The following ATM variants were observed in gnomAD, a reference collection of about 807,000 sequenced individuals.
ATM encodes the protein ATM serine/threonine kinase, also known as serine-protein kinase ATM.
A neutral mutation model predicts 387.0 loss-of-function variants in ATM; 308 were observed. That is an observed-to-expected ratio of 0.80 (90% CI 0.73 to 0.87). The LOEUF is 0.87. Ranked by LOEUF, ATM falls within the 40% of genes least tolerant of loss-of-function variation. ATM has a pLI of 0.00. For synonymous variants in ATM, 1,156 were observed against 1,187.3 expected, an observed-to-expected ratio of 0.97 and a Z score of 0.54; for missense variants, 3,312 against 3,560.9, an observed-to-expected ratio of 0.93 and a Z score of 1.78.
At chr11:108,352,173 T>C (rs1240904212) in intron 59 of ATM, among the ~76,000 whole-genome samples, 1 of 152,242 alleles carries the variant, frequency 6.6e-6, no homozygotes, top group Non-Finnish European at 1.5e-5. Flanking sequence ...AATGGCCACC[T>C]GTAGGTGCCA....
At chr11:108,339,317 C>T (rs1028882124) in intron 56 of ATM, among the ~76,000 whole-genome samples, 2 of 152,172 alleles carry the variant, frequency 1.3e-5, no homozygotes, top group Non-Finnish European at 2.9e-5. Flanking sequence ...TGCACTTAAC[C>T]TGATCATCCT....
chr11:108,290,562 C>A, intron 29 of ATM: 1 of 137,002 alleles, frequency 7.3e-6, no homozygotes, highest in Non-Finnish European at 1.5e-5. Flanking sequence ...GCTCAGGAGG[C>A]AGAGGTTACA....
chr11:108,295,198 A>G, intron 32 of ATM, 139 bp downstream of exon 32: 1 of 1,101,706 alleles, frequency 9.1e-7, no homozygotes. Context: ...TTTCTCATCT[A>G]ACTGTAAAAC....
Position 108,287,382 on chromosome 11 carries a change from G to C in ATM, c.3994-218G>C, listed in dbSNP as rs2082544485. The C allele has an allele frequency of 1.4e-5, 5 of 370,248 alleles. No individual in the cohort carries two copies. In the South Asian group the frequency reaches 2.2e-4, roughly 16 times the overall value. The allele number at this position is 370,248 out of a possible 1,614,324, so 22.9% of individuals were successfully genotyped here. The stretch of plus-strand genomic sequence containing the variant: ...GAATTGGATTAAGGGGGCCTTGTTT[G>C]GCTGATTTTCATACTTTTTCCTCTT... On this transcript the variant is annotated intron_variant, in intron 26 of 62. Coordinates refer to ENST00000675843, the MANE Select transcript of ATM (RefSeq NM_000051.4).
At chr11:108,352,447 C>T (rs2089318008) in intron 59 of ATM, among the ~76,000 whole-genome samples, 1 of 152,060 alleles carries the variant, frequency 6.6e-6, no homozygotes, top group African/African-American at 2.4e-5. Flanking sequence ...GAAGACAGAG[C>T]CGTAGAAATT....
rs1466264639 is a variant in ATM at position 108,332,148 on chromosome 11, G to T, written c.7788+111G>T. The T allele has an allele frequency of 2.8e-6, 4 of 1,404,644 alleles. No homozygotes were observed. The African/African-American group carries it at 5.7e-5, about 20-fold the overall frequency. 87.0% of individuals were successfully genotyped at this position (1,404,644 alleles called of 1,614,324 possible). A position where few individuals can be genotyped will look rare whatever the true frequency, so the allele number is the denominator to read the frequency against. ...AGATGCCATCTAAAATCGGTTCAAG[G>T]CTGGCACGGTGGCTCACGCCTGTAA... On this transcript the variant is annotated intron_variant, in intron 52 of 62. Transcript: ENST00000675843.
intron 35 of ATM, 92 bp downstream of exon 35, chr11:108,301,881 G>C (rs2135918428): frequency 7.4e-7 from 1 of 1,350,044 alleles, no homozygotes; most frequent in South Asian, 1.2e-5. Flanking sequence ...GCTTGAAATA[G>C]TATTGTACTA....
At chr11:108,293,888 A>ATATATAT (rs1389525920) in intron 31 of ATM, among the ~76,000 whole-genome samples, 21 of 109,038 alleles carry the variant, frequency 1.9e-4, no homozygotes, top group Admixed American at 7.6e-4. Context: ...AAAAAAAAAA[A>ATATATAT]AAAAAAATAT....
chr11:108,268,767 G>C (rs779859985), intron 18 of ATM, among the ~76,000 whole-genome samples, 158 bp downstream of exon 18: 4 of 152,190 alleles, frequency 2.6e-5, no homozygotes, highest in Non-Finnish European at 4.4e-5. Flanking sequence ...CACTTTTAAC[G>C]TGCTGTGAGC....
chr11:108,358,908 T>TA (rs1456094497), intron 61 of ATM, among the ~76,000 whole-genome samples: 1 of 151,068 alleles, frequency 6.6e-6, no homozygotes, highest in Non-Finnish European at 1.5e-5. Context: ...AATCACCAGC[T>TA]AACATCATAA....
At chr11:108,282,627 C>G (rs1448210498) in intron 24 of ATM, 83 bp from the exon 25 acceptor site, 1 of 1,310,684 alleles carries the variant, frequency 7.6e-7, no homozygotes, top group African/African-American at 1.5e-5. Flanking sequence ...GTTTCTAGGT[C>G]CTACTCTAAA....
chr11:108,313,015 G>T (rs190707426), intron 40 of ATM, among the ~76,000 whole-genome samples: 3 of 151,984 alleles, frequency 2.0e-5, no homozygotes, highest in South Asian at 2.1e-4. Context: ...CTTCTATGCC[G>T]CTGCTTTCAG....
rs1416444032 is a variant in ATM at position 108,259,018 on chromosome 11, C to A, written c.2409C>A (p.Phe803Leu). ...CAAATAAGATTGCATCTGGCTTTTT[C>A]CTGCGATTGTTAACATCAAAGCTAA... ...KSPNKIASGFFLRLLTSKLMN... is the reference protein window; with the variant it reads ...KSPNKIASGFLLRLLTSKLMN... The change falls in exon 16 of 63, where the codon TTC (phenylalanine) becomes TTA (leucine). Residue 803 changes from phenylalanine to leucine, a missense_variant. By Grantham distance (22) the Phe-to-Leu change is conservative. This residue lies in a region of ATM where 1,791 missense variants were observed against 1,804.5 expected (regional missense o/e 0.99). Transcript: ENST00000675843. 6.2e-7 allele frequency: 1 copy of A among 1,613,796 alleles called. No individual in the cohort carries two copies. The highest frequency in any genetic ancestry group is 8.5e-7 in the Non-Finnish European group (1 of 1,179,926).
intron 31 of ATM, 89 bp downstream of exon 31, chr11:108,293,566 G>A (rs2082933216): frequency 8.4e-7 from 1 of 1,184,800 alleles, no homozygotes; most frequent in South Asian, 1.3e-5. Flanking sequence ...GTAAAAAATG[G>A]AATCTTTTCT....
At chr11:108,251,674 A>AT (rs1035202936) in intron 10 of ATM, among the ~76,000 whole-genome samples, 163 bp from the exon 11 acceptor site, 31 of 152,210 alleles carry the variant, frequency 2.0e-4, no homozygotes, top group African/African-American at 7.5e-4. Context: ...TAAACGAGCT[A>AT]TTTTTTAATC....
Position 108,268,489 on chromosome 11 carries a change from G to T in ATM, c.2718G>T (p.Leu906Phe), listed in dbSNP as rs767207624. The change falls in exon 18 of 63, where the codon TTG becomes TTT. Residue 906 changes from leucine (L) to phenylalanine (F), a missense_variant. Leu to Phe is a conservative substitution (Grantham distance 22). Transcript: ENST00000675843. Reference sequence around the variant, plus strand: ...TAGACATGCTCAAGTTCTTGTGTTTGTGTGTAACTACTGCTCAGACCAATA... The same window carrying T: ...TAGACATGCTCAAGTTCTTGTGTTTTTGTGTAACTACTGCTCAGACCAATA... ...LFLDMLKFLCLCVTTAQTNTV... is the reference protein window; with the variant it reads ...LFLDMLKFLCFCVTTAQTNTV... The T allele has an allele frequency of 1.2e-6, 2 of 1,613,936 alleles. No homozygotes were observed. Among genetic ancestry groups the T allele is most frequent in the Non-Finnish European group, 1.7e-6 (2 of 1,179,982 alleles).
chr11:108,271,193 TAACTG>T, intron 19 of ATM, 47 bp downstream of exon 19: 2 of 1,613,406 alleles, frequency 1.2e-6, no homozygotes, highest in African/African-American at 2.7e-5. Context: ...AGTTATAAAA[TAACTG>T]ATGTGTTCTG....
chr11:108,284,472 A>G lies in ATM; in HGVS notation c.3992A>G (p.Gln1331Arg), dbSNP rs876658669. Residue 1331 changes from glutamine (Q) to arginine (R), a missense_variant and splice_region_variant, in exon 26 of 63, where the codon CAG becomes CGG. Gln to Arg is a conservative substitution (Grantham distance 43). Transcript: ENST00000675843. ...MLKSENLLGK[Q>R]IDHLFISNLP... ...AAAAGTGAAAACTTATTGGGAAAAC[A>G]GGTATGGCTTCAATTTTTATGTACT... The G allele has an allele frequency of 3.1e-6, 5 of 1,613,890 alleles. No individual in the cohort carries two copies. The highest frequency in any genetic ancestry group is 4.2e-6 in the Non-Finnish European group (5 of 1,179,856).
At chr11:108,227,033 C>T (rs1206297544) in intron 1 of ATM, 1 of 151,996 alleles carries the variant, frequency 6.6e-6, no homozygotes, top group East Asian at 2.0e-4. Flanking sequence ...CATCTCCCGC[C>T]CCGCAGAGCC....
Sources: gnomAD v4.1 joint callset for allele counts (sites outside exome capture counted in the v4.1 genomes callset) on GRCh38, gnomAD v4.1.1 for gene constraint, gnomAD v4.1.1 regional missense constraint, MANE v1.5 for transcripts, NCBI Gene and HGNC (gene_info 2026-07-23, HGNC 2026-07-21) for gene names.